THSD4: variants seen among roughly 807,000 people sequenced by gnomAD.
THSD4 encodes thrombospondin type-1 domain-containing protein 4.
THSD4 carries 69 observed loss-of-function variants against 119.0 expected under a neutral mutation model. That is an observed-to-expected ratio of 0.58 (90% confidence interval 0.48 to 0.71). The LOEUF (loss-of-function observed/expected upper bound fraction) is 0.71. Among genes scored for constraint, THSD4 ranks in the 30% least tolerant of loss-of-function variants. THSD4 has a pLI of 0.00. For synonymous variants in THSD4, 524 were observed against 540.4 expected (o/e 0.97, Z 0.42); for missense variants, 1,393 against 1,391.1 (o/e 1.00, Z -0.02).
At chr15:71,422,917 A>G (rs996482662) in intron 7 of THSD4, among the ~76,000 whole-genome samples, 2 of 151,686 alleles carry the variant, frequency 1.3e-5, no homozygotes, top group African/African-American at 4.8e-5. Flanking sequence ...AGTTCTTCCC[A>G]CTCTTCCTTC....
intron 8 of THSD4, among the ~76,000 whole-genome samples, chr15:71,697,996 A>G (rs1336621658): frequency 6.6e-6 from 1 of 152,108 alleles, no homozygotes; most frequent in Non-Finnish European, 1.5e-5. Context: ...GAGACACAGA[A>G]GGCAGTTCTC....
At chr15:71,573,242 G>A (rs1307524135) in intron 7 of THSD4, among the ~76,000 whole-genome samples, 1 of 152,118 alleles carries the variant, frequency 6.6e-6, no homozygotes, top group East Asian at 1.9e-4. Context: ...TGCAGTAGGT[G>A]CCCAGTATTT....
intron 8 of THSD4, among the ~76,000 whole-genome samples, chr15:71,663,027 C>T (rs556299981): frequency 9.2e-5 from 14 of 152,196 alleles, no homozygotes; most frequent in African/African-American, 3.4e-4. Flanking sequence ...GGCAGGAGGA[C>T]TGCTTGAAGT....
At chr15:71,606,912 A>G (rs977928144) in intron 7 of THSD4, among the ~76,000 whole-genome samples, 3 of 152,370 alleles carry the variant, frequency 2.0e-5, no homozygotes, top group Non-Finnish European at 4.4e-5. Flanking sequence ...GAGGAGGGGA[A>G]AAAGCAGGAC....
At chr15:71,441,761 G>C (rs931359022) in intron 7 of THSD4, among the ~76,000 whole-genome samples, 1 of 151,968 alleles carries the variant, frequency 6.6e-6, no homozygotes, top group African/African-American at 2.4e-5. Context: ...CTCAGGAGCT[G>C]GATCTCCTTT....
chr15:71,654,013 G>A (rs1167546544), intron 7 of THSD4, among the ~76,000 whole-genome samples: 2 of 152,174 alleles, frequency 1.3e-5, no homozygotes, highest in African/African-American at 4.8e-5. Flanking sequence ...ATTTTTTTCT[G>A]TAAAGGGCCA....
intron 3 of THSD4, among the ~76,000 whole-genome samples, chr15:71,158,827 T>G (rs1282824189): frequency 3.9e-5 from 6 of 152,206 alleles, no homozygotes; most frequent in African/African-American, 1.2e-4. Flanking sequence ...GAAGCAAAGT[T>G]TGATGTCATT....
intron 7 of THSD4, among the ~76,000 whole-genome samples, chr15:71,565,885 G>T (rs1466036461): frequency 6.6e-6 from 1 of 152,186 alleles, no homozygotes; most frequent in Non-Finnish European, 1.5e-5. Context: ...CTTCTGAGGT[G>T]CTTAGAACAA....
At chr15:71,714,314 A>G (rs886431375) in intron 8 of THSD4, among the ~76,000 whole-genome samples, 2 of 152,124 alleles carry the variant, frequency 1.3e-5, no homozygotes, top group Non-Finnish European at 2.9e-5. Context: ...TGCTATCCCC[A>G]GCACCTAAAA....
intron 8 of THSD4, among the ~76,000 whole-genome samples, chr15:71,715,203 A>T (rs2052583934): frequency 1.3e-5 from 2 of 152,218 alleles, no homozygotes; most frequent in African/African-American, 4.8e-5. Context: ...TTGTGTCTCT[A>T]CAAAACCCTT....
At chr15:71,766,546 G>A (rs1253140623) in intron 16 of THSD4, among the ~76,000 whole-genome samples, 1 of 152,212 alleles carries the variant, frequency 6.6e-6, no homozygotes, top group Non-Finnish European at 1.5e-5. Flanking sequence ...TGGCTGTGTA[G>A]CAAACCACAT....
chr15:71,372,000 ACTTCT>A lies in THSD4; in HGVS notation c.1016-39680_1016-39676del, dbSNP rs749058521. 5.7e-4 allele frequency among the ~76,000 whole-genome samples: 87 copies of A among 151,912 alleles called. 1 individual carries two copies. Among genetic ancestry groups the A allele is most frequent in the Admixed American group, 2.8e-3 (42 of 15,264 alleles). Reference sequence around the variant, plus strand: ...TTTCTTTTTACTCTTTTTTCTCTAAACTTCTCTTCTCGCTTCATTTCATTCATTTG... The same window carrying A: ...TTTCTTTTTACTCTTTTTTCTCTAAACTTCTCGCTTCATTTCATTCATTTG... On this transcript the variant is annotated intron_variant, in intron 6 of 17. Transcript: ENST00000261862.
chr15:71,280,717 G>A (rs1157854405), intron 6 of THSD4, among the ~76,000 whole-genome samples: 3 of 151,716 alleles, frequency 2.0e-5, no homozygotes, highest in African/African-American at 4.9e-5. Flanking sequence ...TCTTTGCCCT[G>A]TTCTGTCTTT....
chr15:71,127,089 C>T (rs2040462447), intron 1 of THSD4, among the ~76,000 whole-genome samples: 1 of 152,218 alleles, frequency 6.6e-6, no homozygotes, highest in African/African-American at 2.4e-5. Context: ...CCATTGCCCC[C>T]ACCCTCCAGC....
At chr15:71,174,408 C>T (rs1193738415) in intron 3 of THSD4, among the ~76,000 whole-genome samples, 2 of 149,024 alleles carry the variant, frequency 1.3e-5, no homozygotes, top group East Asian at 2.0e-4. Flanking sequence ...CACTCCCACC[C>T]GAATATTGCG....
At chr15:71,597,889 C>A (rs769713293) in intron 7 of THSD4, among the ~76,000 whole-genome samples, 1 of 152,134 alleles carries the variant, frequency 6.6e-6, no homozygotes, top group Non-Finnish European at 1.5e-5. Context: ...TGAGTTCAGA[C>A]GCTCCCTGGA....
At chr15:71,244,381 G>C (rs1290126065) in intron 5 of THSD4, among the ~76,000 whole-genome samples, 2 of 152,030 alleles carry the variant, frequency 1.3e-5, no homozygotes, top group East Asian at 1.9e-4. Context: ...TCTGTTGCTG[G>C]GTAACAGGAC....
chr15:71,398,114 A>G (rs1278872636), intron 6 of THSD4, among the ~76,000 whole-genome samples: 3 of 152,184 alleles, frequency 2.0e-5, no homozygotes, highest in Non-Finnish European at 4.4e-5. Flanking sequence ...AGGATATCTT[A>G]CTTATTAGTA....
At chr15:71,111,449 T>G, upstream of THSD4, 1 of 1,567,430 alleles carries the variant, frequency 6.4e-7, no homozygotes, top group Non-Finnish European at 8.7e-7. Context: ...GAAAAAGGAC[T>G]GGGTTAAGGA....
Sources: allele counts gnomAD v4.1 joint callset (sites outside exome capture counted in the v4.1 genomes callset), GRCh38; gene constraint gnomAD v4.1.1; transcripts MANE v1.5; gene names NCBI Gene and HGNC (gene_info 2026-07-23, HGNC 2026-07-21).